Variants in HS6ST3 observed in about 807,000 individuals in gnomAD.
HS6ST3 encodes heparan sulfate 6-O-sulfotransferase 3, also known as heparan-sulfate 6-O-sulfotransferase 3.
In HS6ST3, 12 loss-of-function variants were observed where a neutral mutation model predicts 36.7. The observed-to-expected ratio is 0.33, with a 90% CI of 0.21 to 0.53. The LOEUF (loss-of-function observed/expected upper bound fraction) is 0.53, where lower values mean the gene tolerates loss of function less well. Ranked by LOEUF, HS6ST3 falls within the 20% of genes least tolerant of loss-of-function variation. The probability of loss-of-function intolerance (pLI) is 0.95; values close to 1 mark genes in which losing one functional copy is unlikely to be tolerated. For synonymous variants in HS6ST3, 240 were observed against 257.5 expected (o/e 0.93, Z 0.65); for missense variants, 584 against 640.9 (o/e 0.91, Z 0.96).
intron 1 of HS6ST3, among the ~76,000 whole-genome samples, chr13:96,679,530 C>T (rs528086756): frequency 6.6e-6 from 1 of 152,128 alleles, no homozygotes; most frequent in Non-Finnish European, 1.5e-5. Flanking sequence ...TGTTTCTCAT[C>T]CCTCACCATC....
chr13:96,633,597 G>A (rs1349608181), intron 1 of HS6ST3, among the ~76,000 whole-genome samples: 1 of 152,112 alleles, frequency 6.6e-6, no homozygotes, highest in Non-Finnish European at 1.5e-5. Context: ...GTAGAGGTTT[G>A]GTAATAAGTC....
intron 1 of HS6ST3, among the ~76,000 whole-genome samples, chr13:96,238,411 G>A (rs2054544731): frequency 6.6e-6 from 1 of 152,142 alleles, no homozygotes; most frequent in African/African-American, 2.4e-5. Flanking sequence ...AATTTCGCCT[G>A]TTAGATTAAC....
chr13:96,322,383 GAA>G (rs112941484), intron 1 of HS6ST3, among the ~76,000 whole-genome samples: 17,519 of 107,116 alleles, frequency 0.16, 1,179 homozygotes, highest in Middle Eastern at 0.25. Context: ...CATCTCTCCA[GAA>G]AAAAAAAAAA....
intron 1 of HS6ST3, among the ~76,000 whole-genome samples, chr13:96,427,981 C>G (rs1456252040): frequency 1.3e-5 from 2 of 152,076 alleles, no homozygotes; most frequent in Non-Finnish European, 2.9e-5. Context: ...GTAATGTACC[C>G]TTTTCAATAT....
chr13:96,477,063 G>A (rs773869473), intron 1 of HS6ST3, among the ~76,000 whole-genome samples: 4 of 152,128 alleles, frequency 2.6e-5, no homozygotes, highest in Admixed American at 1.3e-4. Context: ...TAGCCATGTA[G>A]CATTTCATTG....
intron 1 of HS6ST3, among the ~76,000 whole-genome samples, chr13:96,374,105 C>T (rs1380839057): frequency 6.6e-6 from 1 of 152,108 alleles, no homozygotes; most frequent in South Asian, 2.1e-4. Flanking sequence ...GAGTGCCTGT[C>T]TTAATGCTTA....
intron 1 of HS6ST3, among the ~76,000 whole-genome samples, chr13:96,764,494 A>C (rs892680514): frequency 6.6e-6 from 1 of 152,224 alleles, no homozygotes; most frequent in Non-Finnish European, 1.5e-5. Context: ...CATAGCGATA[A>C]AAATCCAATA....
intron 1 of HS6ST3, among the ~76,000 whole-genome samples, chr13:96,773,142 A>G (rs1170136207): frequency 4.6e-5 from 7 of 152,182 alleles, no homozygotes; most frequent in African/African-American, 1.7e-4. Context: ...CCCAGAAACT[A>G]TGCTTTTACC....
At chr13:96,740,820 G>A (rs1281550520) in intron 1 of HS6ST3, among the ~76,000 whole-genome samples, 3 of 152,136 alleles carry the variant, frequency 2.0e-5, no homozygotes, top group African/African-American at 4.8e-5. Context: ...CTTCTAAGGG[G>A]GAGACAGAAG....
At chr13:96,425,218 A>G (rs2055580740) in intron 1 of HS6ST3, among the ~76,000 whole-genome samples, 1 of 152,248 alleles carries the variant, frequency 6.6e-6, no homozygotes, top group Non-Finnish European at 1.5e-5. Context: ...TGAGGATTAG[A>G]TAGCTAAAAT....
intron 1 of HS6ST3, among the ~76,000 whole-genome samples, chr13:96,534,501 C>G (rs1020419675): frequency 6.6e-6 from 1 of 152,176 alleles, no homozygotes; most frequent in South Asian, 2.1e-4. Flanking sequence ...TTTATTAATA[C>G]TAATTGGCAC....
intron 1 of HS6ST3, among the ~76,000 whole-genome samples, chr13:96,418,911 C>G (rs527700934): frequency 6.6e-6 from 1 of 152,352 alleles, no homozygotes; most frequent in South Asian, 2.1e-4. Flanking sequence ...TCTCAGCCAA[C>G]TGGCTGTCCT....
intron 1 of HS6ST3, among the ~76,000 whole-genome samples, chr13:96,351,284 T>G (rs2055182178): frequency 6.6e-6 from 1 of 150,952 alleles, no homozygotes; most frequent in African/African-American, 2.4e-5. Flanking sequence ...AAAATGTTAT[T>G]TATTTCAACT....
chr13:96,348,527 A>G (rs1384649507), intron 1 of HS6ST3, among the ~76,000 whole-genome samples: 1 of 152,206 alleles, frequency 6.6e-6, no homozygotes, highest in East Asian at 1.9e-4. Context: ...TGTTTTTTCC[A>G]AATAACTATT....
chr13:96,438,758 T>G (rs962671209), intron 1 of HS6ST3, among the ~76,000 whole-genome samples: 3 of 152,168 alleles, frequency 2.0e-5, no homozygotes, highest in African/African-American at 7.2e-5. Flanking sequence ...TCTGAGATCT[T>G]TTCTGATTTA....
At chr13:96,770,628 T>C (rs1054369839) in intron 1 of HS6ST3, among the ~76,000 whole-genome samples, 2 of 152,244 alleles carry the variant, frequency 1.3e-5, no homozygotes, top group Admixed American at 1.3e-4. Context: ...GTAGATTCTA[T>C]GGCACAGTGG....
At chr13:96,650,382 T>A (rs535940130) in intron 1 of HS6ST3, among the ~76,000 whole-genome samples, 26 of 152,098 alleles carry the variant, frequency 1.7e-4, no homozygotes, top group Middle Eastern at 3.4e-3. Flanking sequence ...AGGCAATTCA[T>A]CCTTGACTTT....
intron 1 of HS6ST3, among the ~76,000 whole-genome samples, chr13:96,479,593 T>A (rs1416974387): frequency 2.6e-5 from 4 of 152,158 alleles, no homozygotes; most frequent in Admixed American, 2.6e-4. Context: ...TTTAAGGTAG[T>A]GACAATGGTT....
intron 1 of HS6ST3, among the ~76,000 whole-genome samples, chr13:96,472,974 T>G (rs2055846678): frequency 6.6e-6 from 1 of 152,200 alleles, no homozygotes; most frequent in African/African-American, 2.4e-5. Context: ...GTTGGCCTGA[T>G]TTTGTAAGCA....
Sources: gnomAD v4.1 joint callset for allele counts (sites outside exome capture counted in the v4.1 genomes callset) on GRCh38, gnomAD v4.1.1 for gene constraint, MANE v1.5 for transcripts, NCBI Gene and HGNC (gene_info 2026-07-23, HGNC 2026-07-21) for gene names.